The following ADGRV1 variants were observed in gnomAD, a reference collection of about 807,000 sequenced individuals.
ADGRV1 encodes the protein G-protein coupled receptor 98.
A neutral mutation model predicts 596.2 loss-of-function variants in ADGRV1; 359 were observed. The ratio of observed to expected loss-of-function variants is 0.60; its 90% CI spans 0.55 to 0.66. The LOEUF (loss-of-function observed/expected upper bound fraction) is 0.66. ADGRV1 is among the 30% of genes least tolerant of loss of function. The pLI is 0.00. For synonymous variants in ADGRV1, 2,681 were observed against 2,679.2 expected, an observed-to-expected ratio of 1.00 and a Z score of -0.02; for missense variants, 7,274 against 7,575.6, an observed-to-expected ratio of 0.96 and a Z score of 1.48.
At chr5:90,692,818 G>C in intron 32 of ADGRV1, 32 bp downstream of exon 32, 1 of 1,522,904 alleles carries the variant, frequency 6.6e-7, no homozygotes, top group Non-Finnish European at 8.8e-7. Context: ...CTCTGTGGGA[G>C]TGATGAGAAT....
At position 90,902,600 on chromosome 5, in the gene ADGRV1, G is replaced by C. The variant is rs938113560; in HGVS notation, c.17856+38743G>C. ...GCCCATCTTTGATTGTTAGCACCTA[G>C]AGGGCAATTGTTGTCTTACTTGTGC... is the stretch of plus-strand genomic sequence containing the variant. On this transcript the variant is annotated intron_variant, in intron 83 of 89. Coordinates refer to ENST00000405460, the MANE Select transcript of ADGRV1 (RefSeq NM_032119.4). 5.0e-4 allele frequency among the ~76,000 whole-genome samples: 76 copies of C among 152,100 alleles called. 1 individual carries two copies. The highest frequency in any genetic ancestry group is 2.9e-5 in the Non-Finnish European group (2 of 68,010).
intron 89 of ADGRV1, among the ~76,000 whole-genome samples, chr5:91,159,170 T>C (rs1338866830): frequency 6.6e-6 from 1 of 152,148 alleles, no homozygotes; most frequent in African/African-American, 2.4e-5. Flanking sequence ...CTCTTTTTAA[T>C]TATGTTAAGA....
At chr5:90,897,963 C>T (rs1054610905) in intron 83 of ADGRV1, among the ~76,000 whole-genome samples, 1 of 152,288 alleles carries the variant, frequency 6.6e-6, no homozygotes, top group Non-Finnish European at 1.5e-5. Context: ...CCTGGCTTTT[C>T]CAAATTTCAG....
At position 90,674,246 on chromosome 5, in the gene ADGRV1, CT is replaced by C; in HGVS notation, c.5110+16del. The C allele has an allele frequency of 6.5e-7, 1 of 1,546,008 alleles. No homozygotes were observed. The highest frequency in any genetic ancestry group is 1.3e-5 in the South Asian group (1 of 75,978). On this transcript the variant is annotated intron_variant, in intron 23 of 89. Coordinates refer to ENST00000405460, the MANE Select transcript of ADGRV1 (RefSeq NM_032119.4). ...TGATCATCCATATGGTAACCTGCTC[CT>C]TTTGCAAGAAAAATCCTCTCTTCTC...
chr5:90,940,053 C>A (rs1452487694), intron 83 of ADGRV1, among the ~76,000 whole-genome samples: 1 of 152,154 alleles, frequency 6.6e-6, no homozygotes, highest in Admixed American at 6.5e-5. Flanking sequence ...TTTCCTTAGG[C>A]CTTCAAAATG....
chr5:90,741,491 C>G (rs893438108), intron 50 of ADGRV1, among the ~76,000 whole-genome samples: 1 of 152,036 alleles, frequency 6.6e-6, no homozygotes, highest in Non-Finnish European at 1.5e-5. Context: ...TTTTCTTATT[C>G]CTCAAGTATT....
chr5:91,002,535 C>T (rs1781931376), intron 85 of ADGRV1, among the ~76,000 whole-genome samples: 1 of 151,966 alleles, frequency 6.6e-6, no homozygotes, highest in Admixed American at 6.6e-5. Context: ...CCTTATTTTG[C>T]TTCTTTTCCT....
chr5:90,960,248 A>G lies in ADGRV1; in HGVS notation c.17857-5167A>G, dbSNP rs370930453. Among the ~76,000 whole-genome samples, 4 of 152,040 alleles carry G rather than the reference A, an allele frequency of 2.6e-5. No individual in the cohort carries two copies. The East Asian group carries it at 5.8e-4, about 22-fold the overall frequency. ...AGGAGAAAACTTTTGGGGCTGATGC[A>G]TGGGTTCATTATTTTCATTGTGATG... On this transcript the variant is annotated intron_variant, in intron 83 of 89. Transcript: ENST00000405460.
intron 5 of ADGRV1, among the ~76,000 whole-genome samples, 195 bp downstream of exon 5, chr5:90,622,896 A>C (rs1000385189): frequency 2.0e-5 from 3 of 152,074 alleles, no homozygotes; most frequent in Non-Finnish European, 2.9e-5. Flanking sequence ...ATGTGCCACC[A>C]TGCCTGGCTA....
intron 1 of ADGRV1, among the ~76,000 whole-genome samples, chr5:90,559,155 C>G (rs564682921): frequency 6.6e-6 from 1 of 152,258 alleles, no homozygotes; most frequent in Non-Finnish European, 1.5e-5. Context: ...TTCCTGCACC[C>G]CCTACCCGCC....
At chr5:90,570,013 A>T (rs1456789730) in intron 1 of ADGRV1, among the ~76,000 whole-genome samples, 3 of 152,124 alleles carry the variant, frequency 2.0e-5, no homozygotes, top group South Asian at 2.1e-4. Context: ...TTTTATATTT[A>T]TCTGTCATGT....
chr5:90,652,221 G>T, intron 18 of ADGRV1, 125 bp from the exon 19 acceptor site: 1 of 568,778 alleles, frequency 1.8e-6, no homozygotes, highest in Non-Finnish European at 2.9e-6. Flanking sequence ...AGTTTGCCTC[G>T]TAGAACCAGC....
chr5:90,891,301 G>T (rs975003612), intron 83 of ADGRV1, among the ~76,000 whole-genome samples: 12 of 150,884 alleles, frequency 8.0e-5, no homozygotes, highest in African/African-American at 2.7e-4. Context: ...GTGTATTGGG[G>T]TAATGATGTT....
chr5:90,825,305 C>A (rs1288235544), intron 76 of ADGRV1, among the ~76,000 whole-genome samples: 1 of 152,148 alleles, frequency 6.6e-6, no homozygotes, highest in African/African-American at 2.4e-5. Flanking sequence ...TCCCATGAAA[C>A]CTCTAGTTGG....
intron 83 of ADGRV1, among the ~76,000 whole-genome samples, chr5:90,939,864 C>T (rs1227925452): frequency 6.6e-6 from 1 of 152,090 alleles, no homozygotes; most frequent in East Asian, 1.9e-4. Flanking sequence ...GGAAAATAGA[C>T]AATAATCTGA....
chr5:90,791,458 C>A, intron 70 of ADGRV1, 112 bp downstream of exon 70: 2 of 751,144 alleles, frequency 2.7e-6, no homozygotes, highest in Non-Finnish European at 4.2e-6. Context: ...AATGGAACCA[C>A]AAAAAAATGC....
At chr5:91,093,831 T>C (rs540829862) in intron 86 of ADGRV1, among the ~76,000 whole-genome samples, 65 of 151,818 alleles carry the variant, frequency 4.3e-4, no homozygotes, top group African/African-American at 1.5e-3. Context: ...TACGTGTGTA[T>C]CACGTGTATA....
At chr5:90,777,757 T>C in intron 61 of ADGRV1, 148 bp from the exon 62 acceptor site, 1 of 663,488 alleles carries the variant, frequency 1.5e-6, no homozygotes, top group Non-Finnish European at 2.5e-6. Context: ...AGACTTCCTT[T>C]GGTTTATAGT....
In ADGRV1 at chr5:90,696,921, A is replaced by G. The variant is rs755249409; in HGVS notation, c.7946-16A>G. On this transcript the variant is annotated splice_polypyrimidine_tract_variant and intron_variant, in intron 33 of 89. Coordinates refer to ENST00000405460, the MANE Select transcript of ADGRV1 (RefSeq NM_032119.4). ...ATTTTGTTACTTTGGTTTTTATTCC[A>G]TTGATGTTTTTATAGGTGAAACCAA... 6.3e-6 allele frequency: 10 copies of G among 1,594,932 alleles called. No homozygotes were observed. Among genetic ancestry groups the G allele is most frequent in the South Asian group, 5.6e-5 (5 of 89,234 alleles).
Sources: allele counts gnomAD v4.1 joint callset (sites outside exome capture counted in the v4.1 genomes callset), GRCh38; gene constraint gnomAD v4.1.1; transcripts MANE v1.5; gene names NCBI Gene and HGNC (gene_info 2026-07-23, HGNC 2026-07-21).